The following SCNN1B variants were observed in gnomAD, a reference collection of about 807,000 sequenced individuals.
SCNN1B encodes sodium channel epithelial 1 subunit beta.
SCNN1B carries 46 observed loss-of-function variants against 65.3 expected under a neutral mutation model. The observed-to-expected ratio is 0.70, with a 90% CI of 0.56 to 0.90. The LOEUF (loss-of-function observed/expected upper bound fraction) is 0.90, where lower values mean the gene tolerates loss of function less well. Among genes scored for constraint, SCNN1B ranks in the 40% least tolerant of loss-of-function variants. The probability of loss-of-function intolerance (pLI) is 0.00; values close to 1 mark genes in which losing one functional copy is unlikely to be tolerated. For missense variants in SCNN1B, 751 were observed against 830.5 expected, an observed-to-expected ratio of 0.90 and a Z score of 1.18; for synonymous variants, 349 against 330.6, an observed-to-expected ratio of 1.06 and a Z score of -0.60.
intron 4 of SCNN1B, among the ~76,000 whole-genome samples, chr16:23,365,620 A>AAGAAAGAAAG (rs1567313778): frequency 0.022 from 1,732 of 80,156 alleles, 54 homozygotes; most frequent in Middle Eastern, 0.029. Context: ...AAAGAAAGAA[A>AAGAAAGAAAG]AAAGAAAGAA....
chr16:23,319,388 C>T (rs1396825677), intron 1 of SCNN1B, among the ~76,000 whole-genome samples: 1 of 152,090 alleles, frequency 6.6e-6, no homozygotes, highest in Non-Finnish European at 1.5e-5. Flanking sequence ...TCCAGCCTGG[C>T]AGTCTGCATA....
At chr16:23,306,981 G>T (rs1961232747) in intron 1 of SCNN1B, among the ~76,000 whole-genome samples, 1 of 152,208 alleles carries the variant, frequency 6.6e-6, no homozygotes, top group Non-Finnish European at 1.5e-5. Flanking sequence ...TGCCCTGGGA[G>T]TCACGTTTTG....
At chr16:23,305,005 C>T (rs142638769) in intron 1 of SCNN1B, among the ~76,000 whole-genome samples, 1 of 152,188 alleles carries the variant, frequency 6.6e-6, no homozygotes, top group African/African-American at 2.4e-5. Context: ...TGGGGGGACG[C>T]AGGGGTGATG....
At position 23,380,875 on chromosome 16, in the gene SCNN1B, G is replaced by A; in HGVS notation, c.*74G>A. ...ACTGTTGCCCGAGGCCTCACTGTAT[G>A]GTGCCCTCTCCAAAGGGTCGGGAGG... On this transcript the variant is annotated 3_prime_UTR_variant, in exon 13 of 13. Transcript: ENST00000343070. The surrounding 1 kb of genome is among the most constrained non-coding windows in gnomAD (Gnocchi z 5.4). 3 of 1,531,102 alleles carry A rather than the reference G, an allele frequency of 2.0e-6. No individual in the cohort carries two copies. Among genetic ancestry groups the A allele is most frequent in the Non-Finnish European group, 2.7e-6 (3 of 1,108,234 alleles). The allele number at this position is 1,531,102 out of a possible 1,614,324, so 94.8% of individuals were successfully genotyped here. A position where few individuals can be genotyped will look rare whatever the true frequency, so the allele number is the denominator to read the frequency against.
intron 1 of SCNN1B, among the ~76,000 whole-genome samples, chr16:23,337,885 G>T (rs902736201): frequency 6.6e-6 from 1 of 151,848 alleles, no homozygotes; most frequent in Admixed American, 6.6e-5. Context: ...GGGCAACATG[G>T]CAAAACCCCA....
At chr16:23,296,339 A>G (rs1960996793) in intron 2 of SCNN1B, among the ~76,000 whole-genome samples, 1 of 152,142 alleles carries the variant, frequency 6.6e-6, no homozygotes, top group Admixed American at 6.6e-5. Context: ...AAAATCGGGA[A>G]ATTGGCCTTT....
upstream of SCNN1B, among the ~76,000 whole-genome samples, chr16:23,301,366 A>AAAAAAGAAAG (rs796515589): frequency 3.4e-5 from 5 of 146,764 alleles, no homozygotes; most frequent in African/African-American, 1.4e-4. Flanking sequence ...TGTCAAAAAA[A>AAAAAAGAAAG]AAAGAAAGAA....
intron 1 of SCNN1B, among the ~76,000 whole-genome samples, chr16:23,336,007 G>C (rs1408541168): frequency 6.6e-6 from 1 of 152,158 alleles, no homozygotes; most frequent in Non-Finnish European, 1.5e-5. Flanking sequence ...GCACACAGAG[G>C]ATGCGGGCAG....
upstream of SCNN1B, among the ~76,000 whole-genome samples, chr16:23,299,613 C>T (rs1042590042): frequency 2.0e-5 from 3 of 152,160 alleles, no homozygotes; most frequent in Non-Finnish European, 2.9e-5. Flanking sequence ...CTGGTCATTA[C>T]AGAAATGCAA....
At chr16:23,378,985 G>C (rs1962973085) in intron 11 of SCNN1B, among the ~76,000 whole-genome samples, 1 of 146,198 alleles carries the variant, frequency 6.8e-6, no homozygotes. Context: ...GCTTCCCTCT[G>C]TCACTGTGCA....
At chr16:23,379,022 A>C (rs956349736) in intron 11 of SCNN1B, among the ~76,000 whole-genome samples, 1 of 139,350 alleles carries the variant, frequency 7.2e-6, no homozygotes, top group Non-Finnish European at 1.6e-5. Context: ...TTCATCCTCC[A>C]TCATCCACCC....
intron 1 of SCNN1B, among the ~76,000 whole-genome samples, chr16:23,304,522 C>T (rs1961154144): frequency 6.6e-6 from 1 of 152,196 alleles, no homozygotes; most frequent in Non-Finnish European, 1.5e-5. Context: ...CCATCGGGGC[C>T]ACCTCCAGGG....
At chr16:23,372,052 CT>C in intron 7 of SCNN1B, 169 bp downstream of exon 7, 1 of 682,764 alleles carries the variant, frequency 1.5e-6, no homozygotes, top group South Asian at 1.6e-5. Flanking sequence ...CCTGGGCTCT[CT>C]CACCAGGGCC....
At chr16:23,291,389 C>T (rs1415135284) in intron 2 of SCNN1B, among the ~76,000 whole-genome samples, 1 of 151,926 alleles carries the variant, frequency 6.6e-6, no homozygotes, top group Non-Finnish European at 1.5e-5. Flanking sequence ...CCCATTCCCT[C>T]CCTTTCTTTC....
At chr16:23,314,520 A>G (rs1006417784) in intron 1 of SCNN1B, among the ~76,000 whole-genome samples, 4 of 152,104 alleles carry the variant, frequency 2.6e-5, no homozygotes, top group Admixed American at 2.6e-4. Context: ...TGTGTCTGGG[A>G]TTCAAACCCA....
At chr16:23,320,070 A>G (rs1961556487) in intron 1 of SCNN1B, among the ~76,000 whole-genome samples, 1 of 152,190 alleles carries the variant, frequency 6.6e-6, no homozygotes, top group Non-Finnish European at 1.5e-5. Flanking sequence ...TAACATGCGC[A>G]TGAGTCACTA....
At chr16:23,287,555 T>TA (rs1960867639) in intron 2 of SCNN1B, among the ~76,000 whole-genome samples, 2 of 151,728 alleles carry the variant, frequency 1.3e-5, no homozygotes, top group African/African-American at 4.8e-5. Context: ...CTACAAACAG[T>TA]AAAAAATAAT....
intron 2 of SCNN1B, among the ~76,000 whole-genome samples, chr16:23,286,215 A>G (rs1406080304): frequency 1.3e-5 from 2 of 152,220 alleles, no homozygotes; most frequent in African/African-American, 4.8e-5. Context: ...CTGCTCACAA[A>G]TGTCAAAGGA....
intron 4 of SCNN1B, among the ~76,000 whole-genome samples, chr16:23,360,591 G>GTT (rs35772167): frequency 0.014 from 1,320 of 95,116 alleles, 19 homozygotes; most frequent in South Asian, 0.019. Context: ...GGTGGTGGTG[G>GTT]TTTTTTTTTT....
Sources: allele counts gnomAD v4.1 joint callset (sites outside exome capture counted in the v4.1 genomes callset), GRCh38; gene constraint gnomAD v4.1.1; non-coding constraint Gnocchi (gnomAD v3.1); transcripts MANE v1.5; gene names NCBI Gene and HGNC (gene_info 2026-07-23, HGNC 2026-07-21).